NELL1: variants seen among roughly 807,000 people sequenced by gnomAD.
The protein encoded by NELL1 is neural EGFL like 1.
Under a neutral mutation model 107.4 loss-of-function variants are expected in NELL1, and 76 were observed. The ratio of observed to expected loss-of-function variants is 0.71; its 90% CI spans 0.59 to 0.86. The LOEUF (loss-of-function observed/expected upper bound fraction) is 0.86, where lower values mean the gene tolerates loss of function less well. Among genes scored for constraint, NELL1 ranks in the 40% least tolerant of loss-of-function variants. NELL1 has a pLI of 0.00. For missense variants in NELL1, 1,024 were observed against 1,005.5 expected (o/e 1.02, Z -0.25); for synonymous variants, 353 against 341.2 (o/e 1.03, Z -0.38).
intron 14 of NELL1, among the ~76,000 whole-genome samples, chr11:21,277,011 C>A (rs1848879904): frequency 6.6e-6 from 1 of 151,070 alleles, no homozygotes; most frequent in Admixed American, 6.6e-5. Context: ...GTCTAAAACA[C>A]CAAAAGCAAT....
intron 14 of NELL1, among the ~76,000 whole-genome samples, chr11:21,364,337 T>C (rs925572606): frequency 7.4e-6 from 1 of 134,378 alleles, no homozygotes; most frequent in Non-Finnish European, 1.5e-5. Flanking sequence ...CATGAACCCA[T>C]GAGACAGAGG....
intron 12 of NELL1, among the ~76,000 whole-genome samples, chr11:20,971,964 G>A (rs1366023428): frequency 6.8e-6 from 1 of 147,202 alleles, no homozygotes; most frequent in East Asian, 2.2e-4. Flanking sequence ...TCATAAGTGG[G>A]AGTTGAACAA....
chr11:20,842,674 C>T (rs1014317307), intron 3 of NELL1, among the ~76,000 whole-genome samples: 1 of 152,160 alleles, frequency 6.6e-6, no homozygotes, highest in African/African-American at 2.4e-5. Context: ...GTTATTTAAT[C>T]TTTCTGTACT....
chr11:20,698,749 A>G (rs968127934), intron 2 of NELL1, among the ~76,000 whole-genome samples: 3 of 152,142 alleles, frequency 2.0e-5, no homozygotes, highest in Non-Finnish European at 4.4e-5. Flanking sequence ...TGACCTGGGT[A>G]GTGTACACTG....
intron 13 of NELL1, among the ~76,000 whole-genome samples, chr11:21,189,858 G>T (rs545122144): frequency 7.2e-5 from 11 of 151,870 alleles, no homozygotes; most frequent in South Asian, 2.1e-4. Flanking sequence ...AAGATATTTT[G>T]TTGCTGAGTT....
At position 21,261,051 on chromosome 11, in the gene NELL1, T is replaced by G. The variant is rs950996754; in HGVS notation, c.1549+31597T>G. Among the ~76,000 whole-genome samples, 4 of 152,010 alleles carry G rather than the reference T, an allele frequency of 2.6e-5. No homozygotes were observed. The East Asian group carries it at 7.8e-4, about 30-fold the overall frequency. On this transcript the variant is annotated intron_variant, in intron 14 of 19. Coordinates refer to ENST00000357134, the MANE Select transcript of NELL1 (RefSeq NM_006157.5). ...TAGAAATTCAGTAAGTGATCATAGT[T>G]AGCAACTGTATTCAGTTATCAAAGG...
intron 2 of NELL1, among the ~76,000 whole-genome samples, chr11:20,713,972 G>C (rs1423644660): frequency 6.6e-6 from 1 of 152,042 alleles, no homozygotes; most frequent in Non-Finnish European, 1.5e-5. Context: ...TTTGGAGGCC[G>C]GTTTTTCCCC....
intron 14 of NELL1, among the ~76,000 whole-genome samples, chr11:21,242,467 T>C (rs1417682708): frequency 6.6e-6 from 1 of 152,134 alleles, no homozygotes; most frequent in South Asian, 2.1e-4. Context: ...ACAGAAGCTA[T>C]GTGTGCCCAG....
intron 4 of NELL1, among the ~76,000 whole-genome samples, chr11:20,883,094 C>T (rs1327505858): frequency 7.0e-6 from 1 of 142,194 alleles, no homozygotes; most frequent in African/African-American, 2.7e-5. Flanking sequence ...CACAGAATTC[C>T]CTAATGCAGA....
At chr11:21,407,188 G>T (rs939556355) in intron 15 of NELL1, among the ~76,000 whole-genome samples, 3 of 151,946 alleles carry the variant, frequency 2.0e-5, no homozygotes, top group African/African-American at 4.8e-5. Flanking sequence ...GGCCAAAGTG[G>T]GCAGATCACT....
intron 14 of NELL1, among the ~76,000 whole-genome samples, chr11:21,332,300 A>T (rs1177171013): frequency 6.6e-6 from 1 of 151,920 alleles, no homozygotes; most frequent in Non-Finnish European, 1.5e-5. Flanking sequence ...TCCTCCTGTT[A>T]GGTACTCTGC....
At chr11:20,706,169 A>G (rs1451917548) in intron 2 of NELL1, among the ~76,000 whole-genome samples, 1 of 152,160 alleles carries the variant, frequency 6.6e-6, no homozygotes, top group Non-Finnish European at 1.5e-5. Context: ...TTACTGGGTT[A>G]TATACCCAAA....
At chr11:21,482,560 G>A (rs1454411926) in intron 15 of NELL1, among the ~76,000 whole-genome samples, 1 of 152,136 alleles carries the variant, frequency 6.6e-6, no homozygotes, top group African/African-American at 2.4e-5. Flanking sequence ...TGTACTAATA[G>A]ATGACAAATG....
intron 5 of NELL1, among the ~76,000 whole-genome samples, chr11:20,917,087 A>G (rs1420693446): frequency 6.6e-6 from 1 of 151,992 alleles, no homozygotes; most frequent in Non-Finnish European, 1.5e-5. Context: ...CCCAGAGAGA[A>G]GTTAATTCAT....
chr11:21,127,975 T>G (rs1415639466), intron 13 of NELL1, among the ~76,000 whole-genome samples: 1 of 152,170 alleles, frequency 6.6e-6, no homozygotes, highest in Non-Finnish European at 1.5e-5. Context: ...TTTTTCTTTC[T>G]GTATTATCAT....
chr11:20,871,207 TC>T (rs1849189593), intron 4 of NELL1, among the ~76,000 whole-genome samples: 1 of 152,184 alleles, frequency 6.6e-6, no homozygotes, highest in East Asian at 1.9e-4. Flanking sequence ...TGCTAGTACT[TC>T]CCTTTGACTG....
chr11:20,838,920 T>C (rs1377365781), intron 3 of NELL1, among the ~76,000 whole-genome samples: 1 of 152,184 alleles, frequency 6.6e-6, no homozygotes, highest in African/African-American at 2.4e-5. Context: ...TATACCTTAG[T>C]CTTAAGATGC....
chr11:20,951,745 T>A (rs1462467405), intron 11 of NELL1, among the ~76,000 whole-genome samples: 2 of 152,116 alleles, frequency 1.3e-5, no homozygotes, highest in Non-Finnish European at 2.9e-5. Flanking sequence ...ACTTTGTAGT[T>A]TGTGGGACTC....
At chr11:21,543,415 T>C (rs1389354537) in intron 16 of NELL1, among the ~76,000 whole-genome samples, 1 of 151,948 alleles carries the variant, frequency 6.6e-6, no homozygotes, top group Non-Finnish European at 1.5e-5. Context: ...AATTGCCACA[T>C]GTCATTAAAA....
Sources: allele counts gnomAD v4.1 joint callset (sites outside exome capture counted in the v4.1 genomes callset), GRCh38; gene constraint gnomAD v4.1.1; transcripts MANE v1.5; gene names NCBI Gene and HGNC (gene_info 2026-07-23, HGNC 2026-07-21).